The following EPHA6 variants were observed in gnomAD, a reference collection of about 807,000 sequenced individuals.
EPHA6 encodes the protein EPH receptor A6, also known as ephrin type-A receptor 6.
EPHA6 carries 50 observed loss-of-function variants against 112.0 expected under a neutral mutation model. That is an observed-to-expected ratio of 0.45 (90% confidence interval 0.36 to 0.56). EPHA6 has a LOEUF of 0.56. EPHA6 is among the 20% of genes least tolerant of loss of function. EPHA6 has a pLI of 0.00. For missense variants in EPHA6, 1,280 were observed against 1,417.4 expected, an observed-to-expected ratio of 0.90 and a Z score of 1.56; for synonymous variants, 529 against 490.7, an observed-to-expected ratio of 1.08 and a Z score of -1.03.
At chr3:97,426,703 A>G (rs996934783) in intron 6 of EPHA6, among the ~76,000 whole-genome samples, 5 of 152,182 alleles carry the variant, frequency 3.3e-5, no homozygotes, top group Non-Finnish European at 7.4e-5. Context: ...GTGGAACATG[A>G]TTAAACTAAA....
chr3:97,146,567 A>C (rs189358314), intron 3 of EPHA6, among the ~76,000 whole-genome samples: 1 of 151,990 alleles, frequency 6.6e-6, no homozygotes, highest in East Asian at 1.9e-4. Context: ...TTCTTAATCC[A>C]TGACTCTTGT....
intron 13 of EPHA6, among the ~76,000 whole-genome samples, chr3:97,627,464 A>T (rs1326314273): frequency 6.6e-6 from 1 of 151,858 alleles, no homozygotes; most frequent in Non-Finnish European, 1.5e-5. Context: ...AATAAAGTGG[A>T]TACCTGAGAG....
Position 97,759,120 on chromosome 3 carries a change from T to A in EPHA6, c.*10419T>A, listed in dbSNP as rs1175839324. ...TAAACAGAAGAAATGGAGTATAAAGTAAGCTAGAGAAAAAGGAAATGCAGT... is the reference window on the plus strand; with the variant it reads ...TAAACAGAAGAAATGGAGTATAAAGAAAGCTAGAGAAAAAGGAAATGCAGT... On this transcript the variant is annotated 3_prime_UTR_variant, in exon 18 of 18. Coordinates refer to ENST00000389672, the MANE Select transcript of EPHA6 (RefSeq NM_001080448.3). 1.3e-5 allele frequency among the ~76,000 whole-genome samples: 2 copies of A among 151,950 alleles called. No individual in the cohort carries two copies. Among genetic ancestry groups the A allele is most frequent in the Non-Finnish European group, 2.9e-5 (2 of 67,888 alleles).
At chr3:97,439,397 A>G (rs890892589) in intron 6 of EPHA6, among the ~76,000 whole-genome samples, 8 of 152,204 alleles carry the variant, frequency 5.3e-5, no homozygotes, top group Non-Finnish European at 1.0e-4. Flanking sequence ...AACAGTGGCT[A>G]ATTTTTACCT....
intron 3 of EPHA6, among the ~76,000 whole-genome samples, chr3:97,052,073 C>G (rs922348444): frequency 2.0e-5 from 3 of 152,016 alleles, no homozygotes; most frequent in African/African-American, 7.2e-5. Flanking sequence ...ATTATTATTA[C>G]CATTTTATAG....
chr3:97,135,178 A>G (rs920501008), intron 3 of EPHA6, among the ~76,000 whole-genome samples: 1 of 152,210 alleles, frequency 6.6e-6, no homozygotes, highest in Non-Finnish European at 1.5e-5. Context: ...AACAACTAGC[A>G]GGATATGACA....
chr3:97,038,686 C>T (rs2045201074), intron 3 of EPHA6, among the ~76,000 whole-genome samples: 1 of 152,174 alleles, frequency 6.6e-6, no homozygotes, highest in East Asian at 1.9e-4. Flanking sequence ...CAGACACTTG[C>T]AGTGCTTTCT....
At chr3:97,604,708 T>G (rs758558610) in intron 12 of EPHA6, among the ~76,000 whole-genome samples, 2 of 151,610 alleles carry the variant, frequency 1.3e-5, no homozygotes, top group Non-Finnish European at 3.0e-5. Context: ...CTGAAAGAGC[T>G]AAAATAACTT....
At chr3:97,663,719 T>A (rs1327655096) in intron 14 of EPHA6, among the ~76,000 whole-genome samples, 2 of 152,170 alleles carry the variant, frequency 1.3e-5, no homozygotes, top group African/African-American at 2.4e-5. Context: ...CACATTTTCT[T>A]AATCCAGTCT....
chr3:97,059,670 C>T (rs1279601449), intron 3 of EPHA6, among the ~76,000 whole-genome samples: 1 of 148,070 alleles, frequency 6.8e-6, no homozygotes, highest in Non-Finnish European at 1.5e-5. Context: ...TATTTTATTC[C>T]TGATCAATTT....
chr3:96,901,859 A>G (rs991328230), intron 2 of EPHA6, among the ~76,000 whole-genome samples: 1 of 152,224 alleles, frequency 6.6e-6, no homozygotes, highest in Non-Finnish European at 1.5e-5. Flanking sequence ...GATTGATATT[A>G]TGCATTAATG....
intron 2 of EPHA6, among the ~76,000 whole-genome samples, chr3:96,913,210 A>C (rs908650155): frequency 6.0e-5 from 7 of 117,532 alleles, no homozygotes; most frequent in Non-Finnish European, 1.2e-4. Flanking sequence ...ACACACACAC[A>C]CACCACACAC....
At chr3:97,227,916 G>T (rs1406602296) in intron 4 of EPHA6, among the ~76,000 whole-genome samples, 2 of 152,176 alleles carry the variant, frequency 1.3e-5, no homozygotes, top group Non-Finnish European at 2.9e-5. Context: ...CTGGTTAGTT[G>T]TTATGTCTAA....
Position 97,114,934 on chromosome 3 carries a change from G to A in EPHA6, c.1115-111330G>A, listed in dbSNP as rs140174836. On this transcript the variant is annotated intron_variant, in intron 3 of 17. Coordinates refer to ENST00000389672, the MANE Select transcript of EPHA6 (RefSeq NM_001080448.3). ...AAAAACAGAACTAACTCTTAAGAGT[G>A]GATTTGCTGGAAAATAAAGTTAATG... Among the ~76,000 whole-genome samples, 143 of 152,046 alleles carry A rather than the reference G, an allele frequency of 9.4e-4. 2 individuals carry two copies. In the East Asian group the frequency reaches 0.022, roughly 23 times the overall value.
intron 14 of EPHA6, among the ~76,000 whole-genome samples, chr3:97,660,419 A>G (rs934814032): frequency 3.3e-5 from 5 of 152,086 alleles, no homozygotes; most frequent in African/African-American, 1.2e-4. Flanking sequence ...GTGTAATTTG[A>G]AAGGTGTTGA....
chr3:96,844,011 C>A (rs191365962), intron 1 of EPHA6, among the ~76,000 whole-genome samples: 26 of 152,030 alleles, frequency 1.7e-4, no homozygotes, highest in African/African-American at 6.0e-4. Context: ...TTTCTTTGAA[C>A]CTAGGCCCAT....
At chr3:96,911,103 A>G (rs571813058) in intron 2 of EPHA6, among the ~76,000 whole-genome samples, 21 of 152,218 alleles carry the variant, frequency 1.4e-4, no homozygotes, top group African/African-American at 5.1e-4. Context: ...ATAGTAAAAT[A>G]TTAGCCTTAT....
intron 3 of EPHA6, among the ~76,000 whole-genome samples, chr3:97,080,642 A>G (rs1007228582): frequency 4.6e-5 from 7 of 152,100 alleles, no homozygotes; most frequent in African/African-American, 1.2e-4. Context: ...TACAGTGAGA[A>G]ATGAATATTC....
chr3:96,841,700 G>T (rs1242647442), intron 1 of EPHA6, among the ~76,000 whole-genome samples: 1 of 147,238 alleles, frequency 6.8e-6, no homozygotes, highest in Non-Finnish European at 1.5e-5. Flanking sequence ...AAGATCTATT[G>T]TTTTAAGCAT....
Sources: allele counts gnomAD v4.1 joint callset (sites outside exome capture counted in the v4.1 genomes callset), GRCh38; gene constraint gnomAD v4.1.1; transcripts MANE v1.5; gene names NCBI Gene and HGNC (gene_info 2026-07-23, HGNC 2026-07-21).